SLC8A1: variants seen among roughly 807,000 people sequenced by gnomAD.
SLC8A1 encodes sodium/calcium exchanger 1.
Under a neutral mutation model 68.3 loss-of-function variants are expected in SLC8A1, and 18 were observed. The ratio of observed to expected loss-of-function variants is 0.26; its 90% CI spans 0.18 to 0.39. SLC8A1 has a LOEUF of 0.39. Among genes scored for constraint, SLC8A1 ranks in the 10% least tolerant of loss-of-function variants. The pLI is 1.00. For missense variants in SLC8A1, 985 were observed against 1,156.7 expected, an observed-to-expected ratio of 0.85 and a Z score of 2.15; for synonymous variants, 475 against 415.5, an observed-to-expected ratio of 1.14 and a Z score of -1.74.
chr2:40,397,633 A>G (rs1244220916), intron 2 of SLC8A1, among the ~76,000 whole-genome samples: 2 of 152,156 alleles, frequency 1.3e-5, no homozygotes, highest in African/African-American at 4.8e-5. Flanking sequence ...GCATATCAGA[A>G]CCACATATGT....
upstream of SLC8A1, among the ~76,000 whole-genome samples, chr2:40,452,446 G>C (rs1384303601): frequency 2.0e-5 from 3 of 152,166 alleles, no homozygotes; most frequent in African/African-American, 7.2e-5. Flanking sequence ...CGCTAGCGCT[G>C]TCTCTCGCAC....
At chr2:40,308,535 G>A (rs984387706) in intron 2 of SLC8A1, among the ~76,000 whole-genome samples, 7 of 152,052 alleles carry the variant, frequency 4.6e-5, no homozygotes, top group East Asian at 1.9e-4. Flanking sequence ...AGCTTGGAAG[G>A]TTTTCTCTTA....
chr2:40,233,741 A>T (rs1032052407), intron 2 of SLC8A1, among the ~76,000 whole-genome samples: 48 of 151,012 alleles, frequency 3.2e-4, no homozygotes, highest in African/African-American at 1.1e-3. Context: ...TCTAACGTTT[A>T]AGTCTTTAAT....
At chr2:40,471,321 T>G (rs1294061235) in intron 1 of SLC8A1, among the ~76,000 whole-genome samples, 1 of 152,052 alleles carries the variant, frequency 6.6e-6, no homozygotes. Flanking sequence ...CTTTTCCACC[T>G]CAGCTGCATT....
chr2:40,206,999 T>G (rs2055577511), intron 2 of SLC8A1, among the ~76,000 whole-genome samples: 1 of 152,054 alleles, frequency 6.6e-6, no homozygotes, highest in African/African-American at 2.4e-5. Flanking sequence ...CTAATTTACT[T>G]CAAAGTATTT....
intron 7 of SLC8A1, among the ~76,000 whole-genome samples, chr2:40,130,049 A>G (rs1339853297): frequency 6.6e-6 from 1 of 152,198 alleles, no homozygotes; most frequent in African/African-American, 2.4e-5. Flanking sequence ...ACTCAATGCC[A>G]GGTGCCCATG....
chr2:40,467,477 C>T (rs375205852), intron 1 of SLC8A1, among the ~76,000 whole-genome samples: 1 of 152,108 alleles, frequency 6.6e-6, no homozygotes, highest in Non-Finnish European at 1.5e-5. Flanking sequence ...TTTATTCACT[C>T]CTCTAAATTA....
At chr2:40,284,895 T>C (rs2068067233) in intron 2 of SLC8A1, among the ~76,000 whole-genome samples, 2 of 152,092 alleles carry the variant, frequency 1.3e-5, no homozygotes, top group Non-Finnish European at 2.9e-5. Flanking sequence ...CTCCCAGGGA[T>C]GAGCAAGCTT....
At chr2:40,210,323 T>A (rs539521173) in intron 2 of SLC8A1, among the ~76,000 whole-genome samples, 2 of 152,188 alleles carry the variant, frequency 1.3e-5, no homozygotes, top group Admixed American at 1.3e-4. Flanking sequence ...AGATACCTGC[T>A]GGCTGGATTT....
At chr2:40,327,147 A>G (rs997246622) in intron 2 of SLC8A1, among the ~76,000 whole-genome samples, 2 of 152,222 alleles carry the variant, frequency 1.3e-5, no homozygotes, top group Non-Finnish European at 2.9e-5. Context: ...TGCATGTTAT[A>G]CATTTGAAAC....
intron 3 of SLC8A1, chr2:40,175,964 A>G (rs106706): frequency 0.74 from 332,288 of 446,822 alleles, 127,356 homozygotes; most frequent in Non-Finnish European, 0.83. Flanking sequence ...ACTTCTGTAC[A>G]TTATTAGATA....
At chr2:40,208,907 G>T (rs760390811) in intron 2 of SLC8A1, 13 of 152,214 alleles carry the variant, frequency 8.5e-5, no homozygotes, top group African/African-American at 3.1e-4. Flanking sequence ...GTCAAATTTG[G>T]AGGCCTTTGA....
chr2:40,440,590 G>C (rs375119647), intron 1 of SLC8A1, among the ~76,000 whole-genome samples: 4 of 152,076 alleles, frequency 2.6e-5, no homozygotes, highest in Admixed American at 6.6e-5. Flanking sequence ...TTATTACCTA[G>C]CTGGGAAGAC....
intron 2 of SLC8A1, among the ~76,000 whole-genome samples, chr2:40,262,032 G>C (rs2064778743): frequency 6.7e-6 from 1 of 148,964 alleles, no homozygotes; most frequent in Middle Eastern, 3.2e-3. Flanking sequence ...GTGTGATCTT[G>C]GCTCACTGCA....
intron 2 of SLC8A1, among the ~76,000 whole-genome samples, chr2:40,236,138 C>A (rs1169532130): frequency 6.6e-6 from 1 of 151,984 alleles, no homozygotes. Context: ...GAGCTGAGTT[C>A]AATTCCTGGG....
intron 2 of SLC8A1, among the ~76,000 whole-genome samples, chr2:40,222,252 C>T (rs1401271929): frequency 6.6e-6 from 1 of 152,052 alleles, no homozygotes; most frequent in Non-Finnish European, 1.5e-5. Flanking sequence ...CTTTGACAAA[C>T]CTGACCAAAA....
chr2:40,112,766 A>G (rs1024398725), exon 8 of SLC8A1: 4 of 152,534 alleles, frequency 2.6e-5, no homozygotes, highest in African/African-American at 9.7e-5. Flanking sequence ...GATGGGATAC[A>G]CTGGGCTTTC....
chr2:40,325,096 C>T (rs2075656068), intron 2 of SLC8A1, among the ~76,000 whole-genome samples: 1 of 151,966 alleles, frequency 6.6e-6, no homozygotes, highest in Non-Finnish European at 1.5e-5. Flanking sequence ...TTCCTCCCCA[C>T]AGACAGAGTC....
intron 1 of SLC8A1, among the ~76,000 whole-genome samples, chr2:40,437,424 G>A (rs375665607): frequency 2.6e-5 from 4 of 152,142 alleles, no homozygotes; most frequent in Non-Finnish European, 4.4e-5. Context: ...GCAAGGGAAA[G>A]ATGATCCATG....
Sources: gnomAD v4.1 joint callset for allele counts (sites outside exome capture counted in the v4.1 genomes callset) on GRCh38, gnomAD v4.1.1 for gene constraint, MANE v1.5 for transcripts, NCBI Gene and HGNC (gene_info 2026-07-23, HGNC 2026-07-21) for gene names.